TTC8: variants seen among roughly 807,000 people sequenced by gnomAD.
The protein encoded by TTC8 is tetratricopeptide repeat domain 8.
In TTC8, 47 loss-of-function variants were observed where a neutral mutation model predicts 72.5. The observed-to-expected ratio is 0.65, with a 90% CI of 0.51 to 0.83. The LOEUF (loss-of-function observed/expected upper bound fraction) is 0.83, where lower values mean the gene tolerates loss of function less well. TTC8 is among the 40% of genes least tolerant of loss of function. The pLI, the probability that TTC8 is intolerant of heterozygous loss-of-function variation, is 0.00. For missense variants in TTC8, 611 were observed against 623.2 expected (o/e 0.98, Z 0.21); for synonymous variants, 199 against 221.4 (o/e 0.90, Z 0.90).
Position 88,841,119 on chromosome 14 carries a change from G to A in TTC8, c.412G>A (p.Ala138Thr). ...QSGRPGTMEQ[A>T]IRTPRTAYTA... ...TGGAAGGCCAGGCACTATGGAACAG[G>A]CTATCAGAACACCCAGAACCGCCTA... The change falls in exon 5 of 15, where the codon GCT becomes ACT. Residue 138 changes from alanine to threonine, a missense_variant. Transcript: ENST00000380656. 4.3e-6 allele frequency: 7 copies of A among 1,614,074 alleles called. No individual in the cohort carries two copies. The highest frequency in any genetic ancestry group is 5.9e-6 in the Non-Finnish European group (7 of 1,180,018).
chr14:88,862,600 A>T (rs1372469440), intron 10 of TTC8, among the ~76,000 whole-genome samples: 1 of 94,674 alleles, frequency 1.1e-5, no homozygotes, highest in South Asian at 3.6e-4. Flanking sequence ...ATATATATTT[A>T]GAGATGGGTT....
intron 1 of TTC8, among the ~76,000 whole-genome samples, chr14:88,827,272 T>C (rs994721298): frequency 6.6e-6 from 1 of 152,194 alleles, no homozygotes; most frequent in Non-Finnish European, 1.5e-5. Flanking sequence ...TCCGAAAAGC[T>C]TGTGACCAGA....
chr14:88,846,737 T>C (rs1460164292), intron 7 of TTC8: 6 of 958,032 alleles, frequency 6.3e-6, no homozygotes, highest in Non-Finnish European at 8.9e-6. Flanking sequence ...GTTAGCCGAC[T>C]GTAATTTTTA....
intron 10 of TTC8, among the ~76,000 whole-genome samples, chr14:88,866,586 C>A (rs2094910758): frequency 6.6e-6 from 1 of 152,128 alleles, no homozygotes; most frequent in African/African-American, 2.4e-5. Flanking sequence ...CAACCAAGTT[C>A]CAGCTGCATT....
At chr14:88,876,766 C>T (rs767085634) in intron 14 of TTC8, among the ~76,000 whole-genome samples, 19 of 152,224 alleles carry the variant, frequency 1.2e-4, no homozygotes, top group Non-Finnish European at 2.6e-4. Flanking sequence ...TGTGCCAGCA[C>T]CACTTAAAAC....
rs536861078 is a variant in TTC8 at position 88,852,906 on chromosome 14, T to C, written c.625-65T>C. 45 of 1,351,936 alleles carry C rather than the reference T, an allele frequency of 3.3e-5. 1 individual carries two copies. The East Asian group carries it at 1.1e-3, about 32-fold the overall frequency. 83.7% of individuals were successfully genotyped at this position (1,351,936 alleles called of 1,614,324 possible). On this transcript the variant is annotated intron_variant, in intron 7 of 14. Coordinates refer to ENST00000380656, the MANE Select transcript of TTC8 (RefSeq NM_144596.4). ...GCTAATTATATGGTCTATTTCATTA[T>C]TTATTTTCCTGACTGCTTATTGTTA...
At chr14:88,866,692 A>C (rs911986241) in intron 10 of TTC8, among the ~76,000 whole-genome samples, 4 of 152,190 alleles carry the variant, frequency 2.6e-5, no homozygotes. Context: ...GAGAATGTTT[A>C]TAAACACTGA....
At chr14:88,828,508 G>A (rs530560825) in intron 1 of TTC8, among the ~76,000 whole-genome samples, 4 of 152,262 alleles carry the variant, frequency 2.6e-5, no homozygotes, top group African/African-American at 9.6e-5. Context: ...ATTATAGTAT[G>A]GAGTGAATTT....
chr14:88,868,893 A>G (rs1409737271), intron 10 of TTC8, among the ~76,000 whole-genome samples: 1 of 152,208 alleles, frequency 6.6e-6, no homozygotes, highest in Non-Finnish European at 1.5e-5. Flanking sequence ...GAAATATTAA[A>G]AGTGGATTTT....
At chr14:88,872,774 C>T (rs977443340) in intron 13 of TTC8, among the ~76,000 whole-genome samples, 10 of 152,224 alleles carry the variant, frequency 6.6e-5, no homozygotes, top group South Asian at 4.1e-4. Flanking sequence ...GGAGCCACCC[C>T]GAAACTTCTC....
chr14:88,837,315 G>A (rs370465663), intron 2 of TTC8, among the ~76,000 whole-genome samples: 3 of 152,018 alleles, frequency 2.0e-5, no homozygotes, highest in African/African-American at 4.8e-5. Context: ...TTGCCTGTCC[G>A]CTGGGCCCAA....
intron 9 of TTC8, among the ~76,000 whole-genome samples, chr14:88,859,087 A>G (rs1349035193): frequency 6.6e-6 from 1 of 151,944 alleles, no homozygotes; most frequent in East Asian, 1.9e-4. Context: ...CCATAAATTG[A>G]TTTGTTTATT....
chr14:88,867,907 A>G (rs1025247582), intron 10 of TTC8, among the ~76,000 whole-genome samples: 1 of 152,216 alleles, frequency 6.6e-6, no homozygotes, highest in Non-Finnish European at 1.5e-5. Context: ...TTTCAAATAT[A>G]AAGCACATGA....
At chr14:88,861,375 G>A in intron 10 of TTC8, 43 bp downstream of exon 10, 1 of 1,406,984 alleles carries the variant, frequency 7.1e-7, no homozygotes, top group South Asian at 1.2e-5. Flanking sequence ...ATACACAATA[G>A]TTTTACATAT....
At chr14:88,849,896 A>G (rs2094825797) in intron 7 of TTC8, among the ~76,000 whole-genome samples, 1 of 152,144 alleles carries the variant, frequency 6.6e-6, no homozygotes, top group African/African-American at 2.4e-5. Context: ...TGGGTTGGTG[A>G]TTCTGCAATC....
Position 88,877,466 on chromosome 14 carries a change from G to C in TTC8, c.*56G>C. On this transcript the variant is annotated 3_prime_UTR_variant, in exon 15 of 15. Transcript: ENST00000380656. The stretch of plus-strand genomic sequence containing the variant: ...AGCAGCATTATGCAAGGGGAAAAAA[G>C]CACTATGTCTGTGTATGTATGTATA... 7.2e-7 allele frequency: 1 copy of C among 1,392,114 alleles called. No individual in the cohort carries two copies. The highest frequency in any genetic ancestry group is 1.2e-5 in the South Asian group (1 of 86,374). The allele number at this position is 1,392,114 out of a possible 1,614,324, so 86.2% of individuals were successfully genotyped here. A position where few individuals can be genotyped will look rare whatever the true frequency, so the allele number is the denominator to read the frequency against.
At chr14:88,843,753 C>T (rs2094793034) in intron 6 of TTC8, 53 bp from the exon 7 acceptor site, 1 of 1,395,230 alleles carries the variant, frequency 7.2e-7, no homozygotes, top group East Asian at 2.4e-5. Context: ...CTTTTGTTAA[C>T]AGCAAATTAA....
rs1028407834 is a variant in TTC8, at chr14:88,861,301, C to A, written c.878C>A (p.Thr293Asn). The change falls in exon 10 of 15, where the codon ACC becomes AAC. Residue 293 changes from threonine (T) to asparagine (N), a missense_variant. By Grantham distance (65) the Thr-to-Asn change is moderately conservative (BLOSUM62 0). Coordinates refer to ENST00000380656, the MANE Select transcript of TTC8 (RefSeq NM_144596.4). The stretch of plus-strand genomic sequence containing the variant: ...TTAGATAAGTTTCCAGGAGAAGTAA[C>A]CCTGCTCTGTGGAATTGCAAGAATC... Reference protein sequence around the residue: ...QGLDKFPGEVTLLCGIARIYE... With the variant: ...QGLDKFPGEVNLLCGIARIYE... The A allele has an allele frequency of 1.9e-6, 3 of 1,612,170 alleles. No individual in the cohort carries two copies. The highest frequency in any genetic ancestry group is 1.7e-5 in the Admixed American group (1 of 59,956).
chr14:88,845,753 G>A (rs2094803249), intron 7 of TTC8, among the ~76,000 whole-genome samples: 1 of 152,126 alleles, frequency 6.6e-6, no homozygotes, highest in Non-Finnish European at 1.5e-5. Context: ...ATGCATATCA[G>A]GGGCATTTAT....
Sources: gnomAD v4.1 joint callset for allele counts (sites outside exome capture counted in the v4.1 genomes callset) on GRCh38, gnomAD v4.1.1 for gene constraint, MANE v1.5 for transcripts, NCBI Gene and HGNC (gene_info 2026-07-23, HGNC 2026-07-21) for gene names.